The following BTBD16 variants were observed in gnomAD, a reference collection of about 807,000 sequenced individuals.
The protein encoded by BTBD16 is BTB/POZ domain-containing protein 16.
In BTBD16, 66 loss-of-function variants were observed where a neutral mutation model predicts 67.4. The observed-to-expected ratio is 0.98, with a 90% CI of 0.80 to 1.20. BTBD16 has a LOEUF of 1.20. Among genes scored for constraint, BTBD16 ranks in the 50% most tolerant of loss-of-function variants. The pLI is 0.00. For missense variants in BTBD16, 634 were observed against 616.0 expected (o/e 1.03, Z -0.31); for synonymous variants, 242 against 236.4 (o/e 1.02, Z -0.22).
intron 8 of BTBD16, among the ~76,000 whole-genome samples, chr10:122,298,765 A>T (rs1485872135): frequency 1.3e-5 from 2 of 152,212 alleles, no homozygotes; most frequent in Non-Finnish European, 2.9e-5. Flanking sequence ...CCTAGGGATA[A>T]CAGTGAACCC....
chr10:122,337,565 C>T lies in BTBD16; in HGVS notation c.1453-452C>T, dbSNP rs373652772. Among the ~76,000 whole-genome samples the T allele has an allele frequency of 7.2e-5, 11 of 152,254 alleles. No homozygotes were observed. The East Asian group carries it at 1.5e-3, about 21-fold the overall frequency. ...CTGCAAGCTCCACCTCCCGGGTTCACGCCATTCTCCTGCCTCAGCCTCCTG... is the reference window on the plus strand; with the variant it reads ...CTGCAAGCTCCACCTCCCGGGTTCATGCCATTCTCCTGCCTCAGCCTCCTG... On this transcript the variant is annotated intron_variant, in intron 15 of 15. Coordinates refer to ENST00000260723, the MANE Select transcript of BTBD16 (RefSeq NM_144587.5).
At chr10:122,291,237 GA>G in intron 7 of BTBD16, 43 bp downstream of exon 7, 1 of 1,584,214 alleles carries the variant, frequency 6.3e-7, no homozygotes, top group Non-Finnish European at 8.6e-7. Flanking sequence ...GGGCCTGGGG[GA>G]AATCGGAAGG....
At chr10:122,275,004 A>G in intron 1 of BTBD16, 36 bp from the exon 2 acceptor site, 1 of 1,461,780 alleles carries the variant, frequency 6.8e-7, no homozygotes, top group Non-Finnish European at 9.6e-7. Flanking sequence ...TTTGAAAAGT[A>G]TGGAAAATGT....
chr10:122,292,737 C>G (rs1265295845), intron 7 of BTBD16, among the ~76,000 whole-genome samples: 5 of 152,296 alleles, frequency 3.3e-5, no homozygotes, highest in Admixed American at 2.6e-4. Flanking sequence ...GATCCCTGCC[C>G]TCTAAAGTCT....
chr10:122,276,141 C>G (rs1299109184), intron 2 of BTBD16, among the ~76,000 whole-genome samples: 1 of 152,130 alleles, frequency 6.6e-6, no homozygotes, highest in Non-Finnish European at 1.5e-5. Flanking sequence ...ATACCCAGAA[C>G]AGGTGAAAAC....
chr10:122,294,714 C>T (rs1260634422), intron 7 of BTBD16, among the ~76,000 whole-genome samples: 2 of 152,214 alleles, frequency 1.3e-5, no homozygotes. Context: ...AAGAGGAAAC[C>T]CCCCACTTCC....
intron 13 of BTBD16, among the ~76,000 whole-genome samples, chr10:122,334,059 C>T (rs61457414): frequency 0.019 from 2,959 of 152,214 alleles, 75 homozygotes; most frequent in African/African-American, 0.06. Context: ...GTAATTACTA[C>T]TACCAAGGAT....
At chr10:122,332,268 C>T (rs2096456322) in intron 12 of BTBD16, 168 bp from the exon 13 acceptor site, 1 of 620,978 alleles carries the variant, frequency 1.6e-6, no homozygotes, top group African/African-American at 1.8e-5. Context: ...AGTAAGTTTT[C>T]AATAAATGTC....
At chr10:122,272,564 C>A (rs1564942038) in intron 1 of BTBD16, among the ~76,000 whole-genome samples, 3 of 152,176 alleles carry the variant, frequency 2.0e-5, no homozygotes, top group Non-Finnish European at 4.4e-5. Flanking sequence ...TGGTCTTGAA[C>A]TCCTGACCTC....
At chr10:122,282,956 A>G (rs2096356075) in intron 3 of BTBD16, among the ~76,000 whole-genome samples, 1 of 152,204 alleles carries the variant, frequency 6.6e-6, no homozygotes, top group South Asian at 2.1e-4. Flanking sequence ...GGAGCAGTGC[A>G]TGCAAGAGAT....
intron 7 of BTBD16, chr10:122,291,552 G>GAA: frequency 5.8e-6 from 1 of 171,494 alleles, no homozygotes; most frequent in Non-Finnish European, 1.2e-5. Context: ...TTGGCTAAAA[G>GAA]AAAAAAAAAA....
At chr10:122,312,811 C>T (rs1355890465) in intron 10 of BTBD16, among the ~76,000 whole-genome samples, 2 of 152,206 alleles carry the variant, frequency 1.3e-5, no homozygotes, top group African/African-American at 4.8e-5. Context: ...TTCTGGTCCA[C>T]GTCCTTGTTG....
chr10:122,301,316 A>G (rs1420555412), intron 9 of BTBD16, among the ~76,000 whole-genome samples: 1 of 152,150 alleles, frequency 6.6e-6, no homozygotes, highest in African/African-American at 2.4e-5. Flanking sequence ...AAGCCTGACA[A>G]ACGTATGCTG....
chr10:122,285,127 C>A (rs1386949391), intron 4 of BTBD16, among the ~76,000 whole-genome samples: 1 of 152,096 alleles, frequency 6.6e-6, no homozygotes, highest in East Asian at 1.9e-4. Flanking sequence ...AAACTAATGG[C>A]AAAATCAAGA....
chr10:122,299,059 T>A lies in BTBD16; in HGVS notation c.716T>A (p.Val239Asp). 1 of 1,613,964 alleles carries A rather than the reference T, an allele frequency of 6.2e-7. No individual in the cohort carries two copies. The highest frequency in any genetic ancestry group is 1.1e-5 in the South Asian group (1 of 91,056). Residue 239 changes from valine to aspartate, a missense_variant, in exon 9 of 16, where the codon GTT (valine) becomes GAT (aspartate). Physicochemically the swap from Val to Asp is radical, Grantham distance 152. Transcript: ENST00000260723. ...GCEKWLEMNL[V>D]PLGGTQIHLH... ...GAGAAGTGGCTGGAAATGAACTTGG[T>A]TCCTCTAGGGGGGACGCAGATCCAC...
At position 122,321,372 on chromosome 10, in the gene BTBD16, G is replaced by A. The variant is rs145906469; in HGVS notation, c.912-8108G>A. Among the ~76,000 whole-genome samples the A allele has an allele frequency of 4.8e-3, 732 of 152,286 alleles. 3 individuals carry two copies. Among genetic ancestry groups the A allele is most frequent in the Admixed American group, 0.012 (185 of 15,300 alleles). On this transcript the variant is annotated intron_variant, in intron 10 of 15. Transcript: ENST00000260723. ...TTATTTTCCTGTGGGTATATACCCA[G>A]TGATGGGCTTGTTGGGTCAAATGGT...
At chr10:122,326,603 G>A (rs964845331) in intron 10 of BTBD16, among the ~76,000 whole-genome samples, 3 of 152,168 alleles carry the variant, frequency 2.0e-5, no homozygotes, top group Non-Finnish European at 2.9e-5. Flanking sequence ...AGAAAGTTGT[G>A]GCGAAGAGCA....
At chr10:122,331,476 T>C (rs1475361039) in intron 12 of BTBD16, among the ~76,000 whole-genome samples, 1 of 152,184 alleles carries the variant, frequency 6.6e-6, no homozygotes, top group Non-Finnish European at 1.5e-5. Context: ...TCCCATCATA[T>C]GCATTTTTGT....
chr10:122,338,019 C>G lies in BTBD16; in HGVS notation c.1455C>G (p.Thr485=). The G allele has an allele frequency of 6.2e-7, 1 of 1,610,598 alleles. No individual in the cohort carries two copies. Among genetic ancestry groups the G allele is most frequent in the Non-Finnish European group, 8.5e-7 (1 of 1,177,162 alleles). Residue 485 remains threonine (T), a splice_region_variant and synonymous_variant, in exon 16 of 16, where the codon ACC becomes ACG. Transcript: ENST00000260723. ...CTTTGTTTTTTTTCATGTTTTAGACCTTGAAAATCCAAACTGTGGGCATCC... is the reference window on the plus strand; with the variant it reads ...CTTTGTTTTTTTTCATGTTTTAGACGTTGAAAATCCAAACTGTGGGCATCC... ...GLTTSSCKSH[T]LKIQTVGIPI... is the part of the protein sequence containing the mutation.
Sources: gnomAD v4.1 joint callset for allele counts (sites outside exome capture counted in the v4.1 genomes callset) on GRCh38, gnomAD v4.1.1 for gene constraint, MANE v1.5 for transcripts, NCBI Gene and HGNC (gene_info 2026-07-23, HGNC 2026-07-21) for gene names.